The following PREX1 variants were observed in gnomAD, a reference collection of about 807,000 sequenced individuals.
The protein encoded by PREX1 is phosphatidylinositol-3,4,5-trisphosphate dependent Rac exchange factor 1.
A neutral mutation model predicts 198.3 loss-of-function variants in PREX1; 41 were observed. That is an observed-to-expected ratio of 0.21 (90% confidence interval 0.16 to 0.27). The LOEUF is 0.27. Among genes scored for constraint, PREX1 ranks in the 10% least tolerant of loss-of-function variants. The probability of loss-of-function intolerance (pLI) is 1.00; values close to 1 mark genes in which losing one functional copy is unlikely to be tolerated. For missense variants in PREX1, 1,620 were observed against 2,200.7 expected (o/e 0.74, Z 5.28); for synonymous variants, 843 against 887.2 (o/e 0.95, Z 0.89).
rs772739610 is a variant in PREX1, at chr20:48,630,742, C to T, written c.4579G>A (p.Val1527Ile). Residue 1527 changes from valine (V) to isoleucine (I), a missense_variant, in exon 36 of 40, where the codon GTA becomes ATA. By Grantham distance (29) the Val-to-Ile change is conservative. Transcript: ENST00000371941. ...NLPTDASTTA[V>I]KIDQLIRPIN... ...CGTGGACATACCTGGTCTATCTTTA[C>T]CGCCGTGGTGCTGGCATCCGTGGGC... The T allele has an allele frequency of 4.4e-6, 7 of 1,597,308 alleles. No individual in the cohort carries two copies. The highest frequency in any genetic ancestry group is 8.6e-7 in the Non-Finnish European group (1 of 1,164,794).
At chr20:48,657,235 T>A in intron 17 of PREX1, 47 bp from the exon 18 acceptor site, 1 of 1,592,224 alleles carries the variant, frequency 6.3e-7, no homozygotes, top group Non-Finnish European at 8.6e-7. Flanking sequence ...GTTACTAAGC[T>A]CCTTCCCTCC....
At chr20:48,872,293 CAT>C in the PREX1 span, among the ~76,000 whole-genome samples, 11 of 151,854 alleles carry the variant, frequency 7.2e-5, 1 homozygote, top group South Asian at 2.3e-3. Flanking sequence ...TCACTGAGCA[CAT>C]AGAGTTGGAT....
At chr20:48,840,618 G>A in the PREX1 span, among the ~76,000 whole-genome samples, 8 of 152,310 alleles carry the variant, frequency 5.3e-5, no homozygotes, top group East Asian at 1.5e-3. Flanking sequence ...GCTAGCCAAA[G>A]TCAGCATGGC....
At chr20:48,823,066 T>C (rs1438537872) in intron 1 of PREX1, among the ~76,000 whole-genome samples, 1 of 152,222 alleles carries the variant, frequency 6.6e-6, no homozygotes, top group Non-Finnish European at 1.5e-5. Flanking sequence ...AGAAAAACTT[T>C]TGTCTCCTCC....
chr20:48,709,397 A>G (rs2089920239), intron 5 of PREX1, among the ~76,000 whole-genome samples: 1 of 152,318 alleles, frequency 6.6e-6, no homozygotes, highest in Non-Finnish European at 1.5e-5. Context: ...GCACAAATGT[A>G]GGTTCAAGGG....
chr20:48,882,745 G>C, the PREX1 span, among the ~76,000 whole-genome samples: 1 of 151,842 alleles, frequency 6.6e-6, no homozygotes, highest in South Asian at 2.1e-4. Context: ...ACTGACACTT[G>C]TTATTATCTG....
chr20:48,661,482 TATA>T (rs1412620744), intron 15 of PREX1, among the ~76,000 whole-genome samples: 5 of 114,652 alleles, frequency 4.4e-5, no homozygotes, highest in Non-Finnish European at 5.0e-5. Context: ...CACACATATA[TATA>T]ATATAATATA....
chr20:48,648,808 C>T (rs2089469958), intron 25 of PREX1, among the ~76,000 whole-genome samples: 1 of 152,206 alleles, frequency 6.6e-6, no homozygotes, highest in South Asian at 2.1e-4. Flanking sequence ...GCCCCACATC[C>T]TAGAGCTGAG....
At chr20:48,656,298 C>T (rs2122920693) in intron 18 of PREX1, among the ~76,000 whole-genome samples, 1 of 152,230 alleles carries the variant, frequency 6.6e-6, no homozygotes, top group East Asian at 1.9e-4. Context: ...CTCTGCTGAG[C>T]CACCACCTCC....
chr20:48,634,026 GATCGATGGATGA>G (rs1187170642), intron 33 of PREX1, among the ~76,000 whole-genome samples: 109 of 126,336 alleles, frequency 8.6e-4, no homozygotes, highest in African/African-American at 3.0e-3. Flanking sequence ...TGTTTGGATG[GATCGATGGATGA>G]ATGGATGCAT....
rs181471828 is a variant in PREX1 at position 48,690,001 on chromosome 20, G to A, written c.1186+946C>T. ...GAATTTGGGGAGCAGGTGTTGCAGG[G>A]GAGACCAGGGGTGATACGAAGAGTT... On this transcript the variant is annotated intron_variant, in intron 9 of 39. Transcript: ENST00000371941. Among the ~76,000 whole-genome samples, 632 of 152,290 alleles carry A rather than the reference G, an allele frequency of 4.1e-3. 6 individuals carry two copies. The highest frequency in any genetic ancestry group is 0.014 in the African/African-American group (594 of 41,558).
At chr20:48,699,358 T>G (rs1250698292) in intron 7 of PREX1, among the ~76,000 whole-genome samples, 1 of 152,164 alleles carries the variant, frequency 6.6e-6, no homozygotes, top group East Asian at 1.9e-4. Context: ...CAAAGAGAAT[T>G]TGAAAAGTGC....
chr20:48,670,891 TCA>T (rs1217946209), intron 14 of PREX1, among the ~76,000 whole-genome samples: 2 of 152,174 alleles, frequency 1.3e-5, no homozygotes, highest in Non-Finnish European at 2.9e-5. Context: ...AACCCAAGCC[TCA>T]GTTTCTTCAT....
At chr20:48,882,129 T>C in the PREX1 span, among the ~76,000 whole-genome samples, 16 of 152,222 alleles carry the variant, frequency 1.1e-4, no homozygotes, top group African/African-American at 3.6e-4. Context: ...TATTTTGATA[T>C]ACATTTTGTT....
In PREX1 at chr20:48,792,007, T is replaced by C. The variant is rs186678613; in HGVS notation, c.219+35635A>G. ...GGACATGTGCTCCAGAAGGCACAGA[T>C]TGGGGTTGGGGGCCTGCCTGTGGGG... is the stretch of plus-strand genomic sequence containing the variant. On this transcript the variant is annotated intron_variant, in intron 1 of 39. Transcript: ENST00000371941. Among the ~76,000 whole-genome samples, 567 of 152,116 alleles carry C rather than the reference T, an allele frequency of 3.7e-3. 5 individuals carry two copies. Among genetic ancestry groups the C allele is most frequent in the African/African-American group, 0.013 (536 of 41,514 alleles).
chr20:48,862,790 A>AAATATATAT, the PREX1 span, among the ~76,000 whole-genome samples: 76 of 102,542 alleles, frequency 7.4e-4, no homozygotes, highest in African/African-American at 2.4e-3. Context: ...TAAAAAAAAA[A>AAATATATAT]ATATATATAT....
chr20:48,705,273 A>C (rs1455961091), intron 6 of PREX1, among the ~76,000 whole-genome samples: 1 of 152,266 alleles, frequency 6.6e-6, no homozygotes, highest in Non-Finnish European at 1.5e-5. Flanking sequence ...CCTTGTGCTC[A>C]GCAAAATGGA....
At chr20:48,707,669 TCACAGG>T (rs2089909766) in intron 6 of PREX1, among the ~76,000 whole-genome samples, 1 of 152,242 alleles carries the variant, frequency 6.6e-6, no homozygotes, top group Non-Finnish European at 1.5e-5. Context: ...TTCTACGGAT[TCACAGG>T]AAACCTCTAA....
intron 36 of PREX1, 71 bp from the exon 37 acceptor site, chr20:48,629,692 C>A (rs981875505): frequency 6.7e-6 from 10 of 1,502,776 alleles, no homozygotes; most frequent in East Asian, 4.6e-5. Flanking sequence ...CCATCTGGCC[C>A]TCCTCCCCCA....
Sources: gnomAD v4.1 joint callset for allele counts (sites outside exome capture counted in the v4.1 genomes callset) on GRCh38, gnomAD v4.1.1 for gene constraint, MANE v1.5 for transcripts, NCBI Gene and HGNC (gene_info 2026-07-23, HGNC 2026-07-21) for gene names.